The following CLIP2 variants were observed in gnomAD, a reference collection of about 807,000 sequenced individuals.
CLIP2 encodes the protein CAP-Gly domain-containing linker protein 2.
CLIP2 carries 41 observed loss-of-function variants against 111.7 expected under a neutral mutation model. That is an observed-to-expected ratio of 0.37 (90% CI 0.29 to 0.48). The LOEUF (loss-of-function observed/expected upper bound fraction) is 0.48, where lower values mean the gene tolerates loss of function less well. Among genes scored for constraint, CLIP2 ranks in the 20% least tolerant of loss-of-function variants. The pLI, the probability that CLIP2 is intolerant of heterozygous loss-of-function variation, is 0.99. For synonymous variants in CLIP2, 660 were observed against 644.2 expected (o/e 1.02, Z -0.37); for missense variants, 1,160 against 1,422.1 (o/e 0.82, Z 2.96).
intron 13 of CLIP2, among the ~76,000 whole-genome samples, chr7:74,395,670 A>C (rs1400282009): frequency 6.6e-6 from 1 of 152,136 alleles, no homozygotes; most frequent in African/African-American, 2.4e-5. Flanking sequence ...TCTTCCTTGA[A>C]GCCTTTCTTG....
Position 74,356,392 on chromosome 7 carries a change from T to C in CLIP2, c.804-18T>C. ...TTTGGGGCCGTGACAGCAGCTTGGG[T>C]CTCTCCTGCTTCCACAGGTACTTCC... On this transcript the variant is annotated intron_variant, in intron 4 of 16. Coordinates refer to ENST00000223398, the MANE Select transcript of CLIP2 (RefSeq NM_003388.5). 6.2e-7 allele frequency: 1 copy of C among 1,611,142 alleles called. No homozygotes were observed. Among genetic ancestry groups the C allele is most frequent in the Admixed American group, 1.7e-5 (1 of 59,984 alleles).
At chr7:74,364,758 C>T (rs1790427957) in intron 8 of CLIP2, 1 of 416,402 alleles carries the variant, frequency 2.4e-6, no homozygotes, top group Non-Finnish European at 4.9e-6. Flanking sequence ...TATGGTGGCT[C>T]ACACCTATAA....
chr7:74,358,333 G>C (rs1790208452), intron 6 of CLIP2, among the ~76,000 whole-genome samples: 1 of 152,094 alleles, frequency 6.6e-6, no homozygotes, highest in African/African-American at 2.4e-5. Context: ...TTACAGGTGT[G>C]AGCCACCATG....
intron 1 of CLIP2, among the ~76,000 whole-genome samples, chr7:74,295,799 G>A (rs1447632476): frequency 6.6e-6 from 1 of 152,070 alleles, no homozygotes; most frequent in African/African-American, 2.4e-5. Context: ...GAGCCTAGGA[G>A]TTTGAGAGCA....
intron 7 of CLIP2, among the ~76,000 whole-genome samples, chr7:74,361,201 T>TTCCTTCCTTCCTTCCTTCCTTCCC (rs1554309692): frequency 7.9e-6 from 1 of 126,058 alleles, no homozygotes; most frequent in Non-Finnish European, 1.7e-5. Context: ...CCTTCCTTCC[T>TTCCTTCCTTCCTTCCTTCCTTCCC]TCCTTCCCTC....
intron 3 of CLIP2, among the ~76,000 whole-genome samples, chr7:74,351,133 AAGAGAGAG>A (rs139848360): frequency 6.8e-6 from 1 of 147,752 alleles, no homozygotes; most frequent in Non-Finnish European, 1.5e-5. Context: ...GAGAGAAAGA[AAGAGAGAG>A]AGAGAGAGAG....
intron 11 of CLIP2, chr7:74,381,757 G>A: frequency 8.5e-6 from 3 of 354,914 alleles, no homozygotes; most frequent in South Asian, 2.3e-5. Context: ...ACAGGGTACA[G>A]AATATTCCAT....
chr7:74,397,150 G>A lies in CLIP2; in HGVS notation c.2797G>A (p.Glu933Lys), dbSNP rs781907335. ...SPGPERDLSR[E>K]VHKAEWRIKE... ...AGGGCCGGAGAGGGACCTGAGCCGT[G>A]AGGTACACAAGGCTGAGTGGCGGAT... Residue 933 changes from glutamate to lysine, a missense_variant, in exon 14 of 17, where the codon GAG (glutamate) becomes AAG (lysine). Coordinates refer to ENST00000223398, the MANE Select transcript of CLIP2 (RefSeq NM_003388.5). 3 of 1,613,944 alleles carry A rather than the reference G, an allele frequency of 1.9e-6. No homozygotes were observed. The highest frequency in any genetic ancestry group is 2.5e-6 in the Non-Finnish European group (3 of 1,179,994).
At chr7:74,348,654 G>A (rs1258974240) in intron 3 of CLIP2, among the ~76,000 whole-genome samples, 1 of 151,998 alleles carries the variant, frequency 6.6e-6, no homozygotes, top group East Asian at 1.9e-4. Flanking sequence ...GCCAGGCATG[G>A]TGGCGGGCGC....
At chr7:74,349,776 G>A (rs1364076468) in intron 3 of CLIP2, among the ~76,000 whole-genome samples, 8 of 151,254 alleles carry the variant, frequency 5.3e-5, no homozygotes, top group African/African-American at 1.7e-4. Context: ...ACCACGCCCC[G>A]CTAATTTTTC....
At chr7:74,369,755 G>C (rs138117732) in intron 8 of CLIP2, among the ~76,000 whole-genome samples, 30,397 of 99,968 alleles carry the variant, frequency 0.3, 5,403 homozygotes, top group Middle Eastern at 0.47. Flanking sequence ...TACTCGGAAG[G>C]CTGAGGCAGG....
chr7:74,317,233 A>T (rs139234376), intron 1 of CLIP2, among the ~76,000 whole-genome samples: 1 of 152,304 alleles, frequency 6.6e-6, no homozygotes, highest in African/African-American at 2.4e-5. Context: ...CCAGGATATA[A>T]GAGGGTAAGG....
chr7:74,383,899 C>A (rs1469489221), intron 11 of CLIP2, among the ~76,000 whole-genome samples: 1 of 152,186 alleles, frequency 6.6e-6, no homozygotes, highest in Admixed American at 6.6e-5. Flanking sequence ...GCTTCTCCAT[C>A]CTCCTCTCCC....
chr7:74,326,416 G>A (rs1161767206), intron 2 of CLIP2, among the ~76,000 whole-genome samples: 1 of 152,142 alleles, frequency 6.6e-6, no homozygotes, highest in Non-Finnish European at 1.5e-5. Context: ...CCAGACAGGT[G>A]GATGGGAGGA....
At chr7:74,371,899 C>T (rs184848558) in intron 8 of CLIP2, among the ~76,000 whole-genome samples, 10 of 152,198 alleles carry the variant, frequency 6.6e-5, no homozygotes, top group Non-Finnish European at 1.3e-4. Context: ...AGGTGATGTC[C>T]GTTTACACCT....
chr7:74,339,196 T>C (rs1789580189), intron 3 of CLIP2, among the ~76,000 whole-genome samples, 192 bp downstream of exon 3: 1 of 152,208 alleles, frequency 6.6e-6, no homozygotes, highest in Non-Finnish European at 1.5e-5. Flanking sequence ...TAATGTGGGC[T>C]CTGGAGACTG....
chr7:74,378,563 G>C (rs2116662804), intron 10 of CLIP2, among the ~76,000 whole-genome samples: 1 of 152,186 alleles, frequency 6.6e-6, no homozygotes, highest in Admixed American at 6.5e-5. Context: ...AACATAGTTA[G>C]ACCCCATCTC....
rs571721243 is a variant in CLIP2, at chr7:74,363,889, C to T, written c.1320-366C>T. On this transcript the variant is annotated intron_variant, in intron 7 of 16. Transcript: ENST00000223398. ...CCAGCCTGGGCAACAGAGCGAGACT[C>T]TGTCTCAAAAAAAAAAAAAAAAGGG... Among the ~76,000 whole-genome samples, 7 of 120,898 alleles carry T rather than the reference C, an allele frequency of 5.8e-5. No individual in the cohort carries two copies. In the South Asian group the frequency reaches 1.8e-3, roughly 32 times the overall value. The allele number at this position is 120,898 out of a possible 152,430, so 79.3% of individuals were successfully genotyped here.
chr7:74,356,171 A>T (rs1470620899), intron 4 of CLIP2, among the ~76,000 whole-genome samples: 1 of 152,202 alleles, frequency 6.6e-6, no homozygotes, highest in Non-Finnish European at 1.5e-5. Context: ...TACTTCCAAG[A>T]GTATTCTCAT....
Sources: allele counts gnomAD v4.1 joint callset (sites outside exome capture counted in the v4.1 genomes callset), GRCh38; gene constraint gnomAD v4.1.1; transcripts MANE v1.5; gene names NCBI Gene and HGNC (gene_info 2026-07-23, HGNC 2026-07-21).